The following MGAT4C variants were observed in gnomAD, a reference collection of about 807,000 sequenced individuals.
MGAT4C encodes MGAT4 family member C, also known as alpha-1,3-mannosyl-glycoprotein 4-beta-N-acetylglucosaminyltransferase C.
Under a neutral mutation model 40.1 loss-of-function variants are expected in MGAT4C, and 19 were observed. That is an observed-to-expected ratio of 0.47 (90% CI 0.33 to 0.70). The LOEUF is 0.70. MGAT4C is among the 30% of genes least tolerant of loss of function. The pLI is 0.02. For synonymous variants in MGAT4C, 181 were observed against 187.1 expected (o/e 0.97, Z 0.27); for missense variants, 491 against 563.2 (o/e 0.87, Z 1.30).
At chr12:86,175,364 A>G (rs1011734775) in intron 1 of MGAT4C, among the ~76,000 whole-genome samples, 4 of 152,142 alleles carry the variant, frequency 2.6e-5, no homozygotes, top group Admixed American at 2.6e-4. Flanking sequence ...GCCTGTTCAA[A>G]CATTGCTTTT....
intron 2 of MGAT4C, among the ~76,000 whole-genome samples, chr12:86,011,028 T>C (rs914523132): frequency 6.6e-6 from 1 of 152,210 alleles, no homozygotes; most frequent in Non-Finnish European, 1.5e-5. Context: ...ACTTCAGAAC[T>C]GTAGAAATAC....
intron 1 of MGAT4C, among the ~76,000 whole-genome samples, chr12:86,761,341 A>G (rs1266566611): frequency 6.6e-6 from 1 of 152,180 alleles, no homozygotes; most frequent in Non-Finnish European, 1.5e-5. Flanking sequence ...TTGAGGCTAA[A>G]TATTATTATG....
chr12:86,026,536 C>T (rs1366894086), intron 2 of MGAT4C, among the ~76,000 whole-genome samples: 3 of 151,778 alleles, frequency 2.0e-5, no homozygotes, highest in Non-Finnish European at 4.4e-5. Flanking sequence ...TCCCTTAGTT[C>T]CAAATACTAT....
intron 1 of MGAT4C, among the ~76,000 whole-genome samples, chr12:86,227,481 T>C (rs1593288262): frequency 6.6e-6 from 1 of 151,948 alleles, no homozygotes; most frequent in African/African-American, 2.4e-5. Context: ...CCTAAAATAT[T>C]CTTACCTGGG....
chr12:86,060,707 T>A (rs1393709752), intron 1 of MGAT4C, among the ~76,000 whole-genome samples: 1 of 152,186 alleles, frequency 6.6e-6, no homozygotes, highest in Non-Finnish European at 1.5e-5. Flanking sequence ...AGATTCTGTA[T>A]CTTCAGAGGA....
intron 2 of MGAT4C, among the ~76,000 whole-genome samples, chr12:86,618,902 T>C (rs1271492019): frequency 1.3e-5 from 2 of 152,102 alleles, no homozygotes; most frequent in African/African-American, 4.8e-5. Context: ...CATTACACTT[T>C]CTATGCATGT....
At chr12:86,597,777 CA>C (rs2136455973) in intron 2 of MGAT4C, among the ~76,000 whole-genome samples, 1 of 152,258 alleles carries the variant, frequency 6.6e-6, no homozygotes, top group East Asian at 1.9e-4. Flanking sequence ...CCCAATTTCC[CA>C]GCCCCCTTCC....
intron 1 of MGAT4C, among the ~76,000 whole-genome samples, chr12:86,761,411 G>C (rs1398364578): frequency 6.6e-6 from 1 of 152,116 alleles, no homozygotes; most frequent in Non-Finnish European, 1.5e-5. Flanking sequence ...AAAAGTAGTG[G>C]AATAATACAA....
chr12:86,716,096 T>C (rs1373952799), intron 2 of MGAT4C, among the ~76,000 whole-genome samples: 15 of 152,122 alleles, frequency 9.9e-5, no homozygotes, highest in Admixed American at 9.8e-4. Context: ...TTTGTTACTA[T>C]TGTGAAAAAT....
chr12:86,268,120 G>T (rs1447503440), intron 4 of MGAT4C, among the ~76,000 whole-genome samples: 2 of 152,104 alleles, frequency 1.3e-5, no homozygotes, highest in African/African-American at 2.4e-5. Context: ...AAGCCATAAG[G>T]AGAATGCTTT....
chr12:86,351,143 GCCT>G (rs1955151485), intron 3 of MGAT4C, among the ~76,000 whole-genome samples: 2 of 151,804 alleles, frequency 1.3e-5, no homozygotes, highest in Non-Finnish European at 2.9e-5. Flanking sequence ...CAGATCTCTG[GCCT>G]GGAAAAATGA....
At chr12:86,085,639 AT>A (rs1252498575) in intron 1 of MGAT4C, among the ~76,000 whole-genome samples, 1 of 152,122 alleles carries the variant, frequency 6.6e-6, no homozygotes, top group African/African-American at 2.4e-5. Context: ...CAATGTATCC[AT>A]TTCACAAAGA....
At chr12:86,063,817 A>C (rs983767266) in intron 1 of MGAT4C, among the ~76,000 whole-genome samples, 1 of 152,236 alleles carries the variant, frequency 6.6e-6, no homozygotes, top group Non-Finnish European at 1.5e-5. Flanking sequence ...GCATTACATA[A>C]TGGTAAAGTT....
intron 2 of MGAT4C, chr12:86,002,551 T>C (rs1887439105): frequency 6.6e-6 from 1 of 151,570 alleles, no homozygotes; most frequent in African/African-American, 2.4e-5. Context: ...AATAAAACCT[T>C]TAAGATCTCT....
chr12:86,631,261 A>C (rs1275974552), intron 2 of MGAT4C, among the ~76,000 whole-genome samples: 2 of 152,180 alleles, frequency 1.3e-5, no homozygotes, highest in Non-Finnish European at 2.9e-5. Flanking sequence ...AGGAGGACAC[A>C]AACAAATGGA....
chr12:86,730,137 C>G (rs972864608), intron 1 of MGAT4C, among the ~76,000 whole-genome samples: 4 of 151,662 alleles, frequency 2.6e-5, no homozygotes, highest in Non-Finnish European at 5.9e-5. Context: ...AAAGAAGAAC[C>G]AAATAAATCT....
intron 1 of MGAT4C, among the ~76,000 whole-genome samples, chr12:86,151,568 C>G (rs891328946): frequency 3.3e-5 from 5 of 151,848 alleles, no homozygotes; most frequent in African/African-American, 1.2e-4. Flanking sequence ...TGCACTCCAG[C>G]CTGGGCAACA....
At chr12:86,504,137 C>A (rs548205492) in intron 2 of MGAT4C, among the ~76,000 whole-genome samples, 1 of 151,846 alleles carries the variant, frequency 6.6e-6, no homozygotes, top group African/African-American at 2.4e-5. Context: ...CACTGTAAAT[C>A]TTCAGAATGG....
chr12:86,607,670 A>C (rs939055139), intron 2 of MGAT4C, among the ~76,000 whole-genome samples: 1 of 152,178 alleles, frequency 6.6e-6, no homozygotes, highest in African/African-American at 2.4e-5. Context: ...ACATTTTAAA[A>C]AGGTGAAATC....
Sources: allele counts gnomAD v4.1 joint callset (sites outside exome capture counted in the v4.1 genomes callset), GRCh38; gene constraint gnomAD v4.1.1; transcripts MANE v1.5; gene names NCBI Gene and HGNC (gene_info 2026-07-23, HGNC 2026-07-21).